Variants in LIG1 observed in about 807,000 individuals in gnomAD.
LIG1 encodes the protein ligase I, DNA, ATP-dependent.
A neutral mutation model predicts 115.7 loss-of-function variants in LIG1; 70 were observed. That is an observed-to-expected ratio of 0.60 (90% CI 0.50 to 0.74). The LOEUF is 0.74. Among genes scored for constraint, LIG1 ranks in the 30% least tolerant of loss-of-function variants. The pLI, the probability that LIG1 is intolerant of heterozygous loss-of-function variation, is 0.00. For missense variants in LIG1, 1,115 were observed against 1,225.6 expected (o/e 0.91, Z 1.35); for synonymous variants, 487 against 495.3 (o/e 0.98, Z 0.22).
At chr19:48,127,645 A>G in intron 20 of LIG1, 1 of 610,872 alleles carries the variant, frequency 1.6e-6, no homozygotes, top group Non-Finnish European at 2.9e-6. Flanking sequence ...TGTGGGGTGC[A>G]GGTTGTGGGG....
intron 21 of LIG1, among the ~76,000 whole-genome samples, chr19:48,124,292 A>G (rs1182627820): frequency 6.6e-6 from 1 of 152,208 alleles, no homozygotes; most frequent in Non-Finnish European, 1.5e-5. Context: ...CACAAGGGTT[A>G]AGCAGGTACA....
chr19:48,157,171 G>A (rs757417336), intron 4 of LIG1, 31 bp from the exon 5 acceptor site: 2 of 1,584,796 alleles, frequency 1.3e-6, no homozygotes, highest in South Asian at 2.3e-5. Context: ...TCTAGAGTGA[G>A]CGGGGGAAGG....
intron 11 of LIG1, among the ~76,000 whole-genome samples, chr19:48,141,859 G>T (rs2034777508): frequency 6.6e-6 from 1 of 152,190 alleles, no homozygotes; most frequent in Non-Finnish European, 1.5e-5. Context: ...TGGTGCAGTG[G>T]ATGGAACAGC....
rs147769351 is a variant in LIG1, at chr19:48,140,094, G to A, written c.964C>T (p.Leu322=). ...ACAGGGAGGAGGTCTGGAGGCGACA[G>A]GGCCACCACGGAGCGCAGCAAGTTG... ...LSNLLRSVVA[L]SPPDLLPVLY... The change falls in exon 12 of 28, where the codon CTG becomes TTG. Residue 322 remains leucine, a synonymous_variant. Coordinates refer to ENST00000263274, the MANE Select transcript of LIG1 (RefSeq NM_000234.3). 3.0e-5 allele frequency: 48 copies of A among 1,613,788 alleles called. No individual in the cohort carries two copies. The African/African-American group carries it at 5.9e-4, about 20-fold the overall frequency.
intron 21 of LIG1, chr19:48,126,911 G>A: frequency 3.7e-6 from 1 of 272,926 alleles, no homozygotes; most frequent in South Asian, 4.4e-5. Flanking sequence ...CATAACCCAA[G>A]TTTTGAGAAA....
At chr19:48,164,555 G>C (rs1015229667) in intron 2 of LIG1, among the ~76,000 whole-genome samples, 1 of 152,222 alleles carries the variant, frequency 6.6e-6, no homozygotes, top group Non-Finnish European at 1.5e-5. Context: ...ATGTGGCCCA[G>C]GCTGGGCCAG....
chr19:48,154,207 G>C, intron 5 of LIG1: 1 of 520,036 alleles, frequency 1.9e-6, no homozygotes, highest in South Asian at 1.9e-5. Flanking sequence ...CTGCAGAATA[G>C]AAATAATCCC....
intron 5 of LIG1, among the ~76,000 whole-genome samples, chr19:48,155,516 C>T (rs2035778428): frequency 6.6e-6 from 1 of 152,288 alleles, no homozygotes; most frequent in African/African-American, 2.4e-5. Context: ...CCATCACCTC[C>T]CCTGGGCTGC....
intron 11 of LIG1, 38 bp downstream of exon 11, chr19:48,143,505 C>CGCGGGGGGGGGGGGGGGGGGG: frequency 1.2e-6 from 1 of 850,466 alleles, no homozygotes; most frequent in Non-Finnish European, 2.0e-6. Context: ...GACCCAGAAG[C>CGCGGGGGGGGGGGGGGGGGGG]GACCCCGCCC....
At chr19:48,119,304 T>C (rs2033097601) in intron 24 of LIG1, 114 bp from the exon 25 acceptor site, 2 of 846,734 alleles carry the variant, frequency 2.4e-6, no homozygotes, top group Admixed American at 2.0e-5. Context: ...GTCTACGCAG[T>C]ATCCACAGAA....
chr19:48,128,528 C>T (rs1030336577), intron 19 of LIG1, among the ~76,000 whole-genome samples: 1 of 152,214 alleles, frequency 6.6e-6, no homozygotes, highest in African/African-American at 2.4e-5. Context: ...CTCACCTGGC[C>T]CCCTGAGCCT....
At chr19:48,161,087 C>G in intron 4 of LIG1, 1 of 485,802 alleles carries the variant, frequency 2.1e-6, no homozygotes, top group South Asian at 2.0e-5. Context: ...GTATGTAAAT[C>G]GACTCATTTC....
chr19:48,136,016 C>T lies in LIG1; in HGVS notation c.1423+18G>A, dbSNP rs763742006. ...GTAACTCCAGCGAGGGATGCAGAGA[C>T]GGGCCACAGGAGCTCACCTTGGCCC... On this transcript the variant is annotated intron_variant, in intron 15 of 27. Transcript: ENST00000263274. 71 of 1,543,438 alleles carry T rather than the reference C, an allele frequency of 4.6e-5. No homozygotes were observed. Among genetic ancestry groups the T allele is most frequent in the South Asian group, 3.6e-4 (30 of 84,042 alleles).
At chr19:48,120,503 G>C in intron 24 of LIG1, 6 of 985,102 alleles carry the variant, frequency 6.1e-6, no homozygotes, top group Non-Finnish European at 6.0e-6. Flanking sequence ...TTGTTGGAGA[G>C]GGGAATATAG....
intron 7 of LIG1, 50 bp from the exon 8 acceptor site, chr19:48,150,260 T>C: frequency 6.2e-7 from 1 of 1,602,602 alleles, no homozygotes; most frequent in South Asian, 1.1e-5. Context: ...ACCCTGAGAC[T>C]TTTTTTTTCT....
At chr19:48,163,440 C>T (rs990910937) in intron 2 of LIG1, among the ~76,000 whole-genome samples, 3 of 151,748 alleles carry the variant, frequency 2.0e-5, no homozygotes, top group African/African-American at 7.3e-5. Context: ...AGGCTGGTCT[C>T]GAACTCCTGA....
At chr19:48,133,252 C>A (rs1247651086) in intron 17 of LIG1, 155 bp from the exon 18 acceptor site, 8 of 644,712 alleles carry the variant, frequency 1.2e-5, no homozygotes, top group Non-Finnish European at 2.2e-5. Flanking sequence ...CCTAGCCTCC[C>A]ACTGGGGACT....
In LIG1 at chr19:48,122,783, A is replaced by G. The variant is rs1396793602; in HGVS notation, c.2232+151T>C. The G allele has an allele frequency of 2.5e-6, 2 of 787,872 alleles. No individual in the cohort carries two copies. The highest frequency in any genetic ancestry group is 3.4e-5 in the African/African-American group (2 of 59,052). 48.8% of individuals were successfully genotyped at this position (787,872 alleles called of 1,614,324 possible). ...GGGCTCGCAGCAGGGAGAAGGTCTGAACTCAGTTGCAGCAGGGGGCTGGGG... is the reference window on the plus strand; with the variant it reads ...GGGCTCGCAGCAGGGAGAAGGTCTGGACTCAGTTGCAGCAGGGGGCTGGGG... On this transcript the variant is annotated intron_variant, in intron 23 of 27. Coordinates refer to ENST00000263274, the MANE Select transcript of LIG1 (RefSeq NM_000234.3). This position sits in a 1 kb window ranked among gnomAD's most constrained non-coding sequence, Gnocchi z 4.3.
intron 14 of LIG1, among the ~76,000 whole-genome samples, chr19:48,136,445 C>T (rs2034396122): frequency 6.6e-6 from 1 of 152,144 alleles, no homozygotes; most frequent in Non-Finnish European, 1.5e-5. Flanking sequence ...CTGAGCCTGG[C>T]GCCCGCCCTG....
Sources: allele counts gnomAD v4.1 joint callset (sites outside exome capture counted in the v4.1 genomes callset), GRCh38; gene constraint gnomAD v4.1.1; non-coding constraint Gnocchi (gnomAD v3.1); transcripts MANE v1.5; gene names NCBI Gene and HGNC (gene_info 2026-07-23, HGNC 2026-07-21).